The following THSD7B variants were observed in gnomAD, a reference collection of about 807,000 sequenced individuals.
The protein encoded by THSD7B is thrombospondin type-1 domain-containing protein 7B.
In THSD7B, 138 loss-of-function variants were observed where a neutral mutation model predicts 213.6. That is an observed-to-expected ratio of 0.65 (90% confidence interval 0.56 to 0.74). The LOEUF (loss-of-function observed/expected upper bound fraction) is 0.74, where lower values mean the gene tolerates loss of function less well. Among genes scored for constraint, THSD7B ranks in the 30% least tolerant of loss-of-function variants. The pLI, the probability that THSD7B is intolerant of heterozygous loss-of-function variation, is 0.00. For synonymous variants in THSD7B, 742 were observed against 687.0 expected, an observed-to-expected ratio of 1.08 and a Z score of -1.25; for missense variants, 1,931 against 1,991.5, an observed-to-expected ratio of 0.97 and a Z score of 0.58.
intron 5 of THSD7B, among the ~76,000 whole-genome samples, chr2:137,118,625 TC>T (rs1688486207): frequency 6.6e-6 from 1 of 152,134 alleles, no homozygotes; most frequent in Non-Finnish European, 1.5e-5. Flanking sequence ...ACAGTTTAGC[TC>T]TGAATTGTTA....
chr2:137,398,873 G>C (rs1055287672), intron 12 of THSD7B, among the ~76,000 whole-genome samples: 1 of 152,182 alleles, frequency 6.6e-6, no homozygotes, highest in Non-Finnish European at 1.5e-5. Flanking sequence ...TTGGTGCACC[G>C]TTTTTTAAGC....
At chr2:137,068,763 G>C (rs1687424680) in intron 3 of THSD7B, among the ~76,000 whole-genome samples, 1 of 151,966 alleles carries the variant, frequency 6.6e-6, no homozygotes, top group African/African-American at 2.4e-5. Flanking sequence ...CCTTTTGGTA[G>C]TATCTGTGAC....
chr2:137,286,174 G>A (rs1223314398), intron 12 of THSD7B, among the ~76,000 whole-genome samples: 1 of 151,758 alleles, frequency 6.6e-6, no homozygotes, highest in Non-Finnish European at 1.5e-5. Context: ...TAAAACAAAG[G>A]CAAGTAAGTT....
At chr2:137,619,090 G>T (rs970347449) in intron 19 of THSD7B, among the ~76,000 whole-genome samples, 1 of 152,082 alleles carries the variant, frequency 6.6e-6, no homozygotes, top group African/African-American at 2.4e-5. Flanking sequence ...TCAGACAAAA[G>T]CTATAGTCAG....
chr2:137,550,843 C>T (rs1162176931), intron 15 of THSD7B, among the ~76,000 whole-genome samples: 1 of 151,970 alleles, frequency 6.6e-6, no homozygotes, highest in East Asian at 1.9e-4. Context: ...GGGTTAAGTG[C>T]TTTAGATCAT....
chr2:137,313,607 G>T (rs13025978), intron 12 of THSD7B, among the ~76,000 whole-genome samples: 48,190 of 151,282 alleles, frequency 0.32, 9,308 homozygotes, highest in Non-Finnish European at 0.45. Flanking sequence ...AGTCTCGATG[G>T]TCTTTACATT....
intron 6 of THSD7B, among the ~76,000 whole-genome samples, chr2:137,160,929 G>GT (rs1377515970): frequency 6.6e-6 from 1 of 152,048 alleles, no homozygotes; most frequent in Non-Finnish European, 1.5e-5. Context: ...GCCACTTCAT[G>GT]TTTTTTATAT....
rs575180067 is a variant in THSD7B at position 137,010,015 on chromosome 2, G to A, written c.140-46405G>A. Among the ~76,000 whole-genome samples the A allele has an allele frequency of 2.0e-5, 3 of 152,192 alleles. No homozygotes were observed. In the South Asian group the frequency reaches 6.2e-4, roughly 32 times the overall value. The stretch of plus-strand genomic sequence containing the variant: ...CTTACCTAATTCTGAATTAAATTCG[G>A]GTAATTTTTCCTTCTTCTTCCACCC... On this transcript the variant is annotated intron_variant, in intron 2 of 27. Transcript: ENST00000409968.
At chr2:136,772,974 CCT>C (rs1484856214) in intron 1 of THSD7B, among the ~76,000 whole-genome samples, 1 of 152,038 alleles carries the variant, frequency 6.6e-6, no homozygotes, top group East Asian at 1.9e-4. Flanking sequence ...TCTGTCTTTG[CCT>C]CTGGCAGAAT....
At chr2:137,509,878 CTCTT>C (rs1159057732) in intron 15 of THSD7B, among the ~76,000 whole-genome samples, 2 of 152,088 alleles carry the variant, frequency 1.3e-5, no homozygotes, top group Non-Finnish European at 2.9e-5. Flanking sequence ...AATATGAAAT[CTCTT>C]TCTTTAATAC....
At chr2:136,807,140 T>A (rs1401132625) in intron 1 of THSD7B, among the ~76,000 whole-genome samples, 1 of 152,068 alleles carries the variant, frequency 6.6e-6, no homozygotes, top group African/African-American at 2.4e-5. Context: ...CTTTTTTATT[T>A]CCCCCTCTTC....
rs1227954439 is a variant in THSD7B at position 137,656,793 on chromosome 2, C to T, written c.4106-3C>T. On this transcript the variant is annotated splice_polypyrimidine_tract_variant and splice_region_variant and intron_variant, in intron 22 of 27. Transcript: ENST00000409968. ...CTCCACCCTGTACTGCATGACTGTCCAGGAGACTGCCATTTAACAGAATGG... is the reference window on the plus strand; with the variant it reads ...CTCCACCCTGTACTGCATGACTGTCTAGGAGACTGCCATTTAACAGAATGG... 1.2e-6 allele frequency: 2 copies of T among 1,613,186 alleles called. No homozygotes were observed. The highest frequency in any genetic ancestry group is 1.7e-6 in the Non-Finnish European group (2 of 1,179,462).
chr2:137,314,889 G>T (rs1384880935), intron 12 of THSD7B, among the ~76,000 whole-genome samples: 1 of 152,220 alleles, frequency 6.6e-6, no homozygotes, highest in Non-Finnish European at 1.5e-5. Context: ...TGCGTGCTGG[G>T]AGAACCACTG....
intron 12 of THSD7B, among the ~76,000 whole-genome samples, chr2:137,358,860 TG>T (rs2104931511): frequency 6.6e-6 from 1 of 152,306 alleles, no homozygotes; most frequent in South Asian, 2.1e-4. Context: ...AACCTGGGTT[TG>T]GATGTTCACA....
intron 10 of THSD7B, among the ~76,000 whole-genome samples, chr2:137,258,484 T>C (rs968697124): frequency 6.6e-6 from 1 of 152,018 alleles, no homozygotes; most frequent in Non-Finnish European, 1.5e-5. Flanking sequence ...TGACCTGTCC[T>C]TCCCCATATA....
chr2:137,406,441 T>C (rs1686520763), intron 13 of THSD7B, among the ~76,000 whole-genome samples: 1 of 152,240 alleles, frequency 6.6e-6, no homozygotes. Flanking sequence ...TTTTACTACG[T>C]GCCTAGATAA....
chr2:136,890,870 A>G (rs1033538827), intron 2 of THSD7B, among the ~76,000 whole-genome samples: 4 of 150,230 alleles, frequency 2.7e-5, no homozygotes, highest in Non-Finnish European at 4.4e-5. Flanking sequence ...TTTTTTTTTT[A>G]TGCAATTTCC....
chr2:137,017,168 G>A (rs1266084151), intron 2 of THSD7B, among the ~76,000 whole-genome samples: 1 of 152,004 alleles, frequency 6.6e-6, no homozygotes, highest in Non-Finnish European at 1.5e-5. Context: ...TTTTAGCACT[G>A]TGGATGAGGG....
At chr2:136,803,319 A>G (rs555646521) in intron 1 of THSD7B, among the ~76,000 whole-genome samples, 19 of 152,238 alleles carry the variant, frequency 1.2e-4, no homozygotes, top group Middle Eastern at 3.4e-3. Flanking sequence ...TGAATCTTAA[A>G]TTTGATGCTG....
Sources: allele counts gnomAD v4.1 joint callset (sites outside exome capture counted in the v4.1 genomes callset), GRCh38; gene constraint gnomAD v4.1.1; transcripts MANE v1.5; gene names NCBI Gene and HGNC (gene_info 2026-07-23, HGNC 2026-07-21).